KHDRBS2: variants seen among roughly 807,000 people sequenced by gnomAD.
KHDRBS2 encodes the protein KH domain-containing, RNA-binding, signal transduction-associated protein 2.
Under a neutral mutation model 44.3 loss-of-function variants are expected in KHDRBS2, and 26 were observed. That is an observed-to-expected ratio of 0.59 (90% confidence interval 0.43 to 0.81). The LOEUF (loss-of-function observed/expected upper bound fraction) is 0.81. KHDRBS2 is among the 40% of genes least tolerant of loss of function. The pLI is 0.00. For missense variants in KHDRBS2, 476 were observed against 433.1 expected (o/e 1.10, Z -0.88); for synonymous variants, 194 against 151.1 (o/e 1.28, Z -2.08).
intron 1 of KHDRBS2, among the ~76,000 whole-genome samples, chr6:62,223,129 C>A (rs1288282000): frequency 6.6e-6 from 1 of 152,256 alleles, no homozygotes; most frequent in Non-Finnish European, 1.5e-5. Context: ...CCCACCCATG[C>A]AGCAAACTTC....
the KHDRBS2 span, among the ~76,000 whole-genome samples, chr6:61,585,020 C>A: frequency 6.6e-6 from 1 of 151,688 alleles, no homozygotes; most frequent in Non-Finnish European, 1.5e-5. Flanking sequence ...TGAAACTATT[C>A]TTGTATTCCT....
intron 7 of KHDRBS2, among the ~76,000 whole-genome samples, chr6:61,718,235 G>A (rs574265604): frequency 5.9e-5 from 9 of 152,134 alleles, no homozygotes; most frequent in African/African-American, 9.6e-5. Flanking sequence ...TGACCCTTGA[G>A]GAGCTAAGAA....
At chr6:62,070,491 C>A (rs1584501767) in intron 2 of KHDRBS2, among the ~76,000 whole-genome samples, 1 of 151,886 alleles carries the variant, frequency 6.6e-6, no homozygotes, top group East Asian at 1.9e-4. Context: ...CCTCCCCCCT[C>A]CTCCCACCCT....
intron 3 of KHDRBS2, among the ~76,000 whole-genome samples, chr6:62,020,097 G>T (rs1781976703): frequency 6.6e-6 from 1 of 151,782 alleles, no homozygotes; most frequent in Non-Finnish European, 1.5e-5. Context: ...GGCATTTATT[G>T]TATTCTGATA....
At chr6:61,771,149 C>G (rs1582729231) in intron 6 of KHDRBS2, among the ~76,000 whole-genome samples, 1 of 152,120 alleles carries the variant, frequency 6.6e-6, no homozygotes, top group Non-Finnish European at 1.5e-5. Flanking sequence ...GAGATTTTGT[C>G]ACCACCAGGC....
the KHDRBS2 span, among the ~76,000 whole-genome samples, chr6:61,587,958 C>A: frequency 6.6e-6 from 1 of 152,144 alleles, no homozygotes; most frequent in African/African-American, 2.4e-5. Context: ...ACAGCATTTT[C>A]AGGCAATGGA....
At chr6:61,855,288 A>G (rs1795985754) in intron 6 of KHDRBS2, among the ~76,000 whole-genome samples, 1 of 152,052 alleles carries the variant, frequency 6.6e-6, no homozygotes, top group African/African-American at 2.4e-5. Flanking sequence ...GTAAATTTTT[A>G]GGAACAATTA....
At chr6:62,104,292 TC>T (rs1405657422) in intron 2 of KHDRBS2, among the ~76,000 whole-genome samples, 7 of 150,054 alleles carry the variant, frequency 4.7e-5, no homozygotes, top group African/African-American at 7.4e-5. Context: ...ATTAAATAAG[TC>T]TTTTTTTTTT....
At chr6:61,749,009 C>CTTTTTTT (rs34423906) in intron 6 of KHDRBS2, among the ~76,000 whole-genome samples, 176 of 97,118 alleles carry the variant, frequency 1.8e-3, no homozygotes, top group East Asian at 2.3e-3. Context: ...TTCTTTCTTT[C>CTTTTTTT]TTTTTTTTTT....
chr6:62,093,864 G>C, intron 2 of KHDRBS2, among the ~76,000 whole-genome samples: 1 of 142,998 alleles, frequency 7.0e-6, no homozygotes, highest in Admixed American at 6.9e-5. Flanking sequence ...TTTTGTGTGT[G>C]TGTGTGTGTG....
At chr6:61,953,938 C>A (rs1445963373) in intron 4 of KHDRBS2, among the ~76,000 whole-genome samples, 1 of 152,044 alleles carries the variant, frequency 6.6e-6, no homozygotes, top group Non-Finnish European at 1.5e-5. Context: ...TAAAGAAGAC[C>A]TATGACAAGT....
intron 2 of KHDRBS2, among the ~76,000 whole-genome samples, chr6:62,081,785 G>A (rs939684454): frequency 6.6e-6 from 1 of 151,740 alleles, no homozygotes; most frequent in African/African-American, 2.4e-5. Context: ...TATCAGCATG[G>A]TTTGTTATTG....
the KHDRBS2 span, among the ~76,000 whole-genome samples, chr6:61,554,893 G>A: frequency 6.6e-6 from 1 of 152,050 alleles, no homozygotes; most frequent in Admixed American, 6.6e-5. Context: ...AGCCTGATGG[G>A]GTTCCCTTTG....
At chr6:61,996,098 C>A (rs900468466) in intron 3 of KHDRBS2, among the ~76,000 whole-genome samples, 2 of 152,158 alleles carry the variant, frequency 1.3e-5, no homozygotes, top group African/African-American at 2.4e-5. Context: ...GCTATGTGAA[C>A]TGTCCTTCGA....
chr6:62,232,305 T>C (rs985007234), intron 1 of KHDRBS2, among the ~76,000 whole-genome samples: 1 of 152,136 alleles, frequency 6.6e-6, no homozygotes. Context: ...TGGTAAATAA[T>C]AGTCACTTAA....
the KHDRBS2 span, among the ~76,000 whole-genome samples, chr6:61,657,680 C>T: frequency 1.3e-5 from 2 of 152,040 alleles, no homozygotes; most frequent in Admixed American, 1.3e-4. Flanking sequence ...GACTTCAGTG[C>T]TCCCTGTGGA....
chr6:61,991,809 AG>A (rs1776182610), intron 3 of KHDRBS2, among the ~76,000 whole-genome samples: 1 of 152,180 alleles, frequency 6.6e-6, no homozygotes, highest in Non-Finnish European at 1.5e-5. Context: ...TAAGCCAGAG[AG>A]GGGAAAACAA....
chr6:62,125,235 G>A (rs1808677726), intron 2 of KHDRBS2, among the ~76,000 whole-genome samples: 1 of 152,168 alleles, frequency 6.6e-6, no homozygotes, highest in Admixed American at 6.5e-5. Context: ...CAGTGATTAT[G>A]TGACTCTGCA....
intron 6 of KHDRBS2, among the ~76,000 whole-genome samples, chr6:61,864,970 C>T (rs1250868220): frequency 6.6e-6 from 1 of 152,062 alleles, no homozygotes; most frequent in African/African-American, 2.4e-5. Flanking sequence ...TTTGTTCATT[C>T]CTTTTCATTC....
Sources: gnomAD v4.1 joint callset for allele counts (sites outside exome capture counted in the v4.1 genomes callset) on GRCh38, gnomAD v4.1.1 for gene constraint, MANE v1.5 for transcripts, NCBI Gene and HGNC (gene_info 2026-07-23, HGNC 2026-07-21) for gene names.